The following CACHD1 variants were observed in gnomAD, a reference collection of about 807,000 sequenced individuals.
CACHD1 encodes the protein VWFA and cache domain-containing protein 1.
Under a neutral mutation model 138.7 loss-of-function variants are expected in CACHD1, and 71 were observed. The ratio of observed to expected loss-of-function variants is 0.51; its 90% confidence interval spans 0.42 to 0.62. The LOEUF (loss-of-function observed/expected upper bound fraction) is 0.62, where lower values mean the gene tolerates loss of function less well. Among genes scored for constraint, CACHD1 ranks in the 20% least tolerant of loss-of-function variants. The pLI, the probability that CACHD1 is intolerant of heterozygous loss-of-function variation, is 0.00. For missense variants in CACHD1, 1,389 were observed against 1,625.3 expected (o/e 0.85, Z 2.50); for synonymous variants, 578 against 591.5 (o/e 0.98, Z 0.33).
rs150656085 is a variant in CACHD1 at position 64,590,104 on chromosome 1, G to A, written c.410+7800G>A. Among the ~76,000 whole-genome samples the A allele has an allele frequency of 6.2e-4, 94 of 152,088 alleles. 2 individuals carry two copies. In the East Asian group the frequency reaches 0.017, roughly 27 times the overall value. On this transcript the variant is annotated intron_variant, in intron 3 of 26. Coordinates refer to ENST00000651257, the MANE Select transcript of CACHD1 (RefSeq NM_020925.4). The stretch of plus-strand genomic sequence containing the variant: ...GGGCGGATCACGAGGTCAGGAGATC[G>A]AGATCATCCTGGCTAACATGGTAAA...
intron 13 of CACHD1, among the ~76,000 whole-genome samples, chr1:64,660,505 C>A (rs1011221531): frequency 6.6e-6 from 1 of 151,538 alleles, no homozygotes; most frequent in African/African-American, 2.4e-5. Context: ...TACTTTAATA[C>A]TACTTTTTGC....
intron 4 of CACHD1, among the ~76,000 whole-genome samples, chr1:64,618,707 A>G (rs1247465574): frequency 6.6e-6 from 1 of 152,142 alleles, no homozygotes; most frequent in Non-Finnish European, 1.5e-5. Context: ...ATGTTAATTT[A>G]TTTTCTTCTC....
intron 13 of CACHD1, among the ~76,000 whole-genome samples, chr1:64,661,927 G>T (rs7550151): frequency 0.015 from 2,355 of 152,232 alleles, 60 homozygotes; most frequent in African/African-American, 0.053. Context: ...GGATTGAAAC[G>T]TAATCCTGGA....
intron 3 of CACHD1, among the ~76,000 whole-genome samples, chr1:64,587,556 G>T (rs1025141738): frequency 6.6e-6 from 1 of 152,132 alleles, no homozygotes; most frequent in South Asian, 2.1e-4. Flanking sequence ...TGCACAAGAC[G>T]CTGCCTAGTG....
intron 4 of CACHD1, among the ~76,000 whole-genome samples, chr1:64,606,106 AACACACACACACAC>A (rs112089755): frequency 6.7e-6 from 1 of 148,842 alleles, no homozygotes; most frequent in African/African-American, 2.5e-5. Flanking sequence ...AGGAGCTGTA[AACACACACACACAC>A]ACACACACAC....
intron 7 of CACHD1, among the ~76,000 whole-genome samples, chr1:64,634,688 A>T (rs1241068591): frequency 6.6e-6 from 1 of 152,012 alleles, no homozygotes; most frequent in South Asian, 2.1e-4. Flanking sequence ...ACCAGCGTAG[A>T]GGGATTAAAA....
chr1:64,649,098 A>G (rs1476705671), intron 9 of CACHD1, among the ~76,000 whole-genome samples: 2 of 152,082 alleles, frequency 1.3e-5, no homozygotes, highest in African/African-American at 4.8e-5. Context: ...TTTTTTTAAA[A>G]CTCACGTGTA....
Position 64,489,030 on chromosome 1 carries a change from G to A in CACHD1, c.198+18088G>A, listed in dbSNP as rs556998287. The stretch of plus-strand genomic sequence containing the variant: ...TCATGGGAGATTGTTCATAAGCAAT[G>A]GTGGAGATTTTTGCTTGATGGATGC... On this transcript the variant is annotated intron_variant, in intron 1 of 26. Transcript: ENST00000651257. Among the ~76,000 whole-genome samples the A allele has an allele frequency of 2.3e-4, 35 of 152,240 alleles. 1 individual carries two copies. The highest frequency in any genetic ancestry group is 1.4e-3 in the Admixed American group (21 of 15,294).
At chr1:64,672,907 A>G (rs1281209322) in intron 17 of CACHD1, among the ~76,000 whole-genome samples, 1 of 152,096 alleles carries the variant, frequency 6.6e-6, no homozygotes, top group Admixed American at 6.6e-5. Context: ...TTCTGTATAC[A>G]CTATGTAGGT....
chr1:64,634,018 G>GTTTTTTTTTTTTTTTTTTTTTT, intron 6 of CACHD1, 26 bp from the exon 7 acceptor site: 6 of 1,204,898 alleles, frequency 5.0e-6, no homozygotes, highest in Non-Finnish European at 4.6e-6. Flanking sequence ...AAGTTTGGTG[G>GTTTTTTTTTTTTTTTTTTTTTT]TTTTTTTTTT....
chr1:64,675,993 T>TTAA lies in CACHD1; in HGVS notation c.2975+55_2975+57dup, dbSNP rs6143245. 3.9e-3 allele frequency: 1,625 copies of TTAA among 421,558 alleles called. 5 individuals are homozygous for TTAA. The highest frequency in any genetic ancestry group is 3.9e-3 in the Non-Finnish European group (1,014 of 261,304). 26.1% of individuals were successfully genotyped at this position (421,558 alleles called of 1,614,324 possible). A position where few individuals can be genotyped will look rare whatever the true frequency, so the allele number is the denominator to read the frequency against. On this transcript the variant is annotated intron_variant, in intron 21 of 26. Coordinates refer to ENST00000651257, the MANE Select transcript of CACHD1 (RefSeq NM_020925.4). ...CCAATGCAGAGAACCGGTAAAATAA[T>TTAA]TAATAATAATAATAATAATAATAAT...
intron 3 of CACHD1, among the ~76,000 whole-genome samples, chr1:64,597,973 A>G (rs915027648): frequency 6.6e-6 from 1 of 152,194 alleles, no homozygotes; most frequent in Non-Finnish European, 1.5e-5. Flanking sequence ...GTTTCTTTTT[A>G]TAAGTCACTT....
chr1:64,643,695 A>G lies in CACHD1; in HGVS notation c.1156+1726A>G, dbSNP rs553147245. On this transcript the variant is annotated intron_variant, in intron 8 of 26. Transcript: ENST00000651257. ...GCTAAAAATACAAAAAAAATTAGCC[A>G]GGCGTGGTGGCGGGCACCTGTAGTC... Among the ~76,000 whole-genome samples the G allele has an allele frequency of 5.4e-4, 82 of 152,206 alleles. No homozygotes were observed. In the South Asian group the frequency reaches 0.013, roughly 25 times the overall value.
intron 1 of CACHD1, among the ~76,000 whole-genome samples, chr1:64,538,079 C>A (rs878967745): frequency 1.3e-5 from 2 of 152,136 alleles, no homozygotes; most frequent in Non-Finnish European, 2.9e-5. Context: ...GGTGCTGCAG[C>A]CTTTACAGGC....
rs769268425 is a variant in CACHD1 at position 64,632,688 on chromosome 1, A to G, written c.734A>G (p.Gln245Arg). Residue 245 changes from glutamine to arginine, a missense_variant, in exon 6 of 27, where the codon CAG becomes CGG. This residue lies in a region of CACHD1 where 1,000 missense variants were observed against 1,114.7 expected (regional missense o/e 0.90). Coordinates refer to ENST00000651257, the MANE Select transcript of CACHD1 (RefSeq NM_020925.4). ...HGASVTDTQL[Q>R]IAKDAAQVIL... is the part of the protein sequence containing the mutation. ...GCTTCAGTCACAGACACTCAGCTTC[A>G]GATTGCCAAGGACGCTGCTCAGGTC... is the stretch of plus-strand genomic sequence containing the variant. 6.2e-7 allele frequency: 1 copy of G among 1,614,166 alleles called. No homozygotes were observed.
At chr1:64,577,450 G>A (rs1027756270) in intron 2 of CACHD1, among the ~76,000 whole-genome samples, 1 of 152,202 alleles carries the variant, frequency 6.6e-6, no homozygotes, top group African/African-American at 2.4e-5. Flanking sequence ...GAAAAGAAAT[G>A]TGGGGAGAGG....
At chr1:64,478,986 A>G (rs536704918) in intron 1 of CACHD1, among the ~76,000 whole-genome samples, 5 of 152,302 alleles carry the variant, frequency 3.3e-5, no homozygotes, top group East Asian at 1.9e-4. Flanking sequence ...AAAAAAAAAA[A>G]AAAAGAAAAA....
At chr1:64,479,831 A>G (rs965365163) in intron 1 of CACHD1, among the ~76,000 whole-genome samples, 2 of 152,106 alleles carry the variant, frequency 1.3e-5, no homozygotes, top group African/African-American at 2.4e-5. Context: ...TCAGTGTTTG[A>G]GTTGGGAACT....
chr1:64,635,124 T>C (rs1648473311), intron 7 of CACHD1, among the ~76,000 whole-genome samples: 1 of 152,058 alleles, frequency 6.6e-6, no homozygotes. Flanking sequence ...TCTGTACAAT[T>C]TCTTGACTCT....
Sources: gnomAD v4.1 joint callset for allele counts (sites outside exome capture counted in the v4.1 genomes callset) on GRCh38, gnomAD v4.1.1 for gene constraint, gnomAD v4.1.1 regional missense constraint, MANE v1.5 for transcripts, NCBI Gene and HGNC (gene_info 2026-07-23, HGNC 2026-07-21) for gene names.